The following FRMD5 variants were observed in gnomAD, a reference collection of about 807,000 sequenced individuals.
FRMD5 encodes FERM domain-containing protein 5.
FRMD5 carries 20 observed loss-of-function variants against 69.0 expected under a neutral mutation model. The observed-to-expected ratio is 0.29, with a 90% CI of 0.20 to 0.42. The LOEUF (loss-of-function observed/expected upper bound fraction) is 0.42, where lower values mean the gene tolerates loss of function less well. Ranked by LOEUF, FRMD5 falls within the 10% of genes least tolerant of loss-of-function variation. The probability of loss-of-function intolerance (pLI) is 1.00; values close to 1 mark genes in which losing one functional copy is unlikely to be tolerated. For missense variants in FRMD5, 595 were observed against 708.6 expected (o/e 0.84, Z 1.82); for synonymous variants, 271 against 260.1 (o/e 1.04, Z -0.40).
chr15:44,128,242 G>A (rs2077050142), intron 1 of FRMD5, among the ~76,000 whole-genome samples: 1 of 152,220 alleles, frequency 6.6e-6, no homozygotes, highest in African/African-American at 2.4e-5. Context: ...CACTTTGGGA[G>A]GCCGAGGCGG....
chr15:43,997,894 T>C (rs1259620805), intron 1 of FRMD5, among the ~76,000 whole-genome samples: 2 of 150,468 alleles, frequency 1.3e-5, no homozygotes, highest in Non-Finnish European at 3.0e-5. Context: ...TTCATGACAT[T>C]GAGATCTCCG....
chr15:44,152,788 T>C (rs753105975), intron 1 of FRMD5, among the ~76,000 whole-genome samples: 7 of 152,214 alleles, frequency 4.6e-5, no homozygotes, highest in African/African-American at 9.6e-5. Context: ...TCTGTTAAAA[T>C]TGGCTGTTTA....
At chr15:44,095,134 C>G (rs908404830) in intron 1 of FRMD5, among the ~76,000 whole-genome samples, 6 of 151,902 alleles carry the variant, frequency 3.9e-5, no homozygotes, top group Admixed American at 1.3e-4. Flanking sequence ...GAGACCTGAT[C>G]AGAATCTCTA....
At chr15:44,092,453 G>A (rs2076486521) in intron 1 of FRMD5, among the ~76,000 whole-genome samples, 1 of 152,132 alleles carries the variant, frequency 6.6e-6, no homozygotes, top group Non-Finnish European at 1.5e-5. Context: ...GCCAGACACT[G>A]TGCTAGACTC....
intron 1 of FRMD5, among the ~76,000 whole-genome samples, chr15:43,968,392 C>T (rs970478884): frequency 2.5e-4 from 38 of 152,088 alleles, no homozygotes; most frequent in Admixed American, 2.4e-3. Flanking sequence ...CAGAGCATTC[C>T]TATTCGTACC....
chr15:44,042,332 C>T (rs1002774536), intron 1 of FRMD5, among the ~76,000 whole-genome samples: 2 of 152,104 alleles, frequency 1.3e-5, no homozygotes, highest in South Asian at 2.1e-4. Context: ...GATTCACACC[C>T]GAATTCTACC....
chr15:44,146,206 T>C (rs529241803), intron 1 of FRMD5, among the ~76,000 whole-genome samples: 8 of 152,122 alleles, frequency 5.3e-5, no homozygotes, highest in Admixed American at 3.9e-4. Flanking sequence ...TCCGTGTCCA[T>C]GTGTTCTCAT....
In FRMD5 at chr15:43,880,592, T is replaced by A. The variant is rs1007733926; in HGVS notation, c.1135+3111A>T. On this transcript the variant is annotated intron_variant, in intron 13 of 13. Coordinates refer to ENST00000417257, the MANE Select transcript of FRMD5 (RefSeq NM_032892.5). The stretch of plus-strand genomic sequence containing the variant: ...TCCAAACCTGATGTCCATCTCCCTC[T>A]CCTCACCCTGAGCCTGTGAGGTTCA... Among the ~76,000 whole-genome samples the A allele has an allele frequency of 7.2e-5, 11 of 152,230 alleles. 1 individual carries two copies. Among genetic ancestry groups the A allele is most frequent in the African/African-American group, 2.7e-4 (11 of 41,468 alleles).
At chr15:43,998,745 G>A (rs561481882) in intron 1 of FRMD5, among the ~76,000 whole-genome samples, 29 of 152,356 alleles carry the variant, frequency 1.9e-4, no homozygotes, top group African/African-American at 6.0e-4. Flanking sequence ...CCAGGAAATT[G>A]ATGAGATAAG....
chr15:44,148,514 G>A (rs1432378964), intron 1 of FRMD5, among the ~76,000 whole-genome samples: 10 of 151,984 alleles, frequency 6.6e-5, no homozygotes, highest in East Asian at 3.9e-4. Context: ...CTCATGATCC[G>A]CCCGCCTCGG....
At chr15:44,136,235 G>A (rs1171576926) in intron 1 of FRMD5, among the ~76,000 whole-genome samples, 2 of 151,946 alleles carry the variant, frequency 1.3e-5, no homozygotes, top group Admixed American at 6.6e-5. Context: ...TGTTGTCCAC[G>A]GTGGTCACAA....
chr15:44,052,199 G>T (rs1002400694), intron 1 of FRMD5, among the ~76,000 whole-genome samples: 4 of 151,960 alleles, frequency 2.6e-5, no homozygotes, highest in African/African-American at 9.7e-5. Context: ...ATATCAGTAT[G>T]GACTTATGTA....
At chr15:44,004,514 A>AT (rs1376490231) in intron 1 of FRMD5, among the ~76,000 whole-genome samples, 1 of 152,040 alleles carries the variant, frequency 6.6e-6, no homozygotes, top group Non-Finnish European at 1.5e-5. Context: ...CATTAATATT[A>AT]TTTTTTCTTA....
In FRMD5 at chr15:43,980,648, GA is replaced by G. The variant is rs2090534123; in HGVS notation, c.103-56340del. Reference sequence around the variant, plus strand: ...GAAAGATATGAAACTGAGTATCACTGAAAATTTAAATACCCAAACCACACAT... The same window carrying G: ...GAAAGATATGAAACTGAGTATCACTGAAATTTAAATACCCAAACCACACAT... On this transcript the variant is annotated intron_variant, in intron 1 of 13. Coordinates refer to ENST00000417257, the MANE Select transcript of FRMD5 (RefSeq NM_032892.5). 3.3e-5 allele frequency among the ~76,000 whole-genome samples: 5 copies of G among 152,096 alleles called. No individual in the cohort carries two copies. In the South Asian group the frequency reaches 1.0e-3, roughly 32 times the overall value.
intron 1 of FRMD5, among the ~76,000 whole-genome samples, chr15:44,154,240 T>C (rs115193411): frequency 0.015 from 2,345 of 152,224 alleles, 61 homozygotes; most frequent in African/African-American, 0.054. Flanking sequence ...GGAGGATCAA[T>C]TGAGCCTGGG....
chr15:43,889,687 G>A (rs1595485501), intron 8 of FRMD5, among the ~76,000 whole-genome samples: 1 of 152,194 alleles, frequency 6.6e-6, no homozygotes, highest in African/African-American at 2.4e-5. Flanking sequence ...AAAACTACTG[G>A]GTCTTAGGTG....
intron 1 of FRMD5, among the ~76,000 whole-genome samples, chr15:44,085,206 A>G (rs939139705): frequency 1.3e-5 from 2 of 152,166 alleles, no homozygotes; most frequent in Non-Finnish European, 2.9e-5. Context: ...ATATTATATA[A>G]GCACTATGTT....
At chr15:43,930,140 C>T (rs2089650073) in intron 1 of FRMD5, among the ~76,000 whole-genome samples, 1 of 152,200 alleles carries the variant, frequency 6.6e-6, no homozygotes, top group Non-Finnish European at 1.5e-5. Context: ...CTTCTTTACA[C>T]TTTCTTTGAA....
intron 1 of FRMD5, among the ~76,000 whole-genome samples, chr15:44,117,742 A>C (rs2076889526): frequency 6.6e-6 from 1 of 152,330 alleles, no homozygotes; most frequent in South Asian, 2.1e-4. Flanking sequence ...GAGAGGCCAG[A>C]GGAGGTTGAA....
Sources: gnomAD v4.1 joint callset for allele counts (sites outside exome capture counted in the v4.1 genomes callset) on GRCh38, gnomAD v4.1.1 for gene constraint, MANE v1.5 for transcripts, NCBI Gene and HGNC (gene_info 2026-07-23, HGNC 2026-07-21) for gene names.